FHIT: variants seen among roughly 807,000 people sequenced by gnomAD.
FHIT encodes fragile histidine triad diadenosine triphosphatase, also known as bis(5'-adenosyl)-triphosphatase.
A neutral mutation model predicts 17.9 loss-of-function variants in FHIT; 19 were observed. That is an observed-to-expected ratio of 1.06 (90% confidence interval 0.74 to 1.56). The LOEUF is 1.56. Among genes scored for constraint, FHIT ranks in the 40% most tolerant of loss-of-function variants. The pLI is 0.00. For synonymous variants in FHIT, 81 were observed against 69.7 expected (o/e 1.16, Z -0.81); for missense variants, 248 against 189.2 (o/e 1.31, Z -1.82).
At chr3:59,807,747 T>C (rs1700258130) in intron 8 of FHIT, among the ~76,000 whole-genome samples, 1 of 151,992 alleles carries the variant, frequency 6.6e-6, no homozygotes, top group Non-Finnish European at 1.5e-5. Context: ...GGGTGAGTAG[T>C]CATGAGAAGT....
At chr3:60,710,524 A>G (rs1553704762) in intron 4 of FHIT, among the ~76,000 whole-genome samples, 1 of 152,150 alleles carries the variant, frequency 6.6e-6, no homozygotes, top group African/African-American at 2.4e-5. Flanking sequence ...CTGCTCAAGG[A>G]AAGGGGTGAC....
At chr3:59,916,442 C>A (rs1705139344) in intron 8 of FHIT, among the ~76,000 whole-genome samples, 1 of 152,164 alleles carries the variant, frequency 6.6e-6, no homozygotes, top group South Asian at 2.1e-4. Flanking sequence ...ACCTTGTGAT[C>A]ATGTAAGTCA....
chr3:60,900,648 C>T (rs1435795322), intron 3 of FHIT, among the ~76,000 whole-genome samples: 1 of 151,884 alleles, frequency 6.6e-6, no homozygotes, highest in Non-Finnish European at 1.5e-5. Context: ...ACCTTAAAGT[C>T]ATTGAAGAAA....
At chr3:59,931,240 C>T (rs968763332) in intron 7 of FHIT, among the ~76,000 whole-genome samples, 22 of 152,152 alleles carry the variant, frequency 1.4e-4, no homozygotes, top group Non-Finnish European at 1.2e-4. Context: ...TACGGTGAGC[C>T]TTGCTGAATG....
At chr3:60,499,446 C>T (rs2034432892) in intron 5 of FHIT, among the ~76,000 whole-genome samples, 1 of 152,124 alleles carries the variant, frequency 6.6e-6, no homozygotes, top group Admixed American at 6.5e-5. Flanking sequence ...GGCTGGAGGG[C>T]AGTGGCGAGA....
At chr3:60,001,579 C>G (rs915827427) in intron 7 of FHIT, among the ~76,000 whole-genome samples, 2 of 152,142 alleles carry the variant, frequency 1.3e-5, no homozygotes, top group African/African-American at 4.8e-5. Context: ...AGCTACCTCA[C>G]AGTGCTTTGA....
intron 5 of FHIT, among the ~76,000 whole-genome samples, chr3:60,109,495 G>A (rs992696010): frequency 1.3e-5 from 2 of 152,046 alleles, no homozygotes; most frequent in Non-Finnish European, 2.9e-5. Flanking sequence ...TATTTCTTGG[G>A]CCAAATAATG....
rs193200075 is a variant in FHIT at position 59,797,343 on chromosome 3, T to C, written c.349-45022A>G. Among the ~76,000 whole-genome samples the C allele has an allele frequency of 7.6e-4, 116 of 152,230 alleles. 1 individual carries two copies. Among genetic ancestry groups the C allele is most frequent in the Non-Finnish European group, 1.2e-3 (83 of 68,000 alleles). On this transcript the variant is annotated intron_variant, in intron 8 of 9. Coordinates refer to ENST00000492590, the MANE Select transcript of FHIT (RefSeq NM_002012.4). Reference sequence around the variant, plus strand: ...CTCAGATTACGAGTGCCCACCACCATGCCTGGCTAATTTTTGTATTTTTAG... The same window carrying C: ...CTCAGATTACGAGTGCCCACCACCACGCCTGGCTAATTTTTGTATTTTTAG...
At chr3:60,980,262 C>G (rs1416350043) in intron 3 of FHIT, among the ~76,000 whole-genome samples, 2 of 152,156 alleles carry the variant, frequency 1.3e-5, no homozygotes, top group Admixed American at 1.3e-4. Flanking sequence ...ATAAACACAA[C>G]ATCTTTTCTG....
intron 5 of FHIT, among the ~76,000 whole-genome samples, chr3:60,486,078 C>T (rs1195992074): frequency 2.6e-5 from 4 of 152,092 alleles, no homozygotes; most frequent in Non-Finnish European, 5.9e-5. Context: ...GAAAAGCCTC[C>T]TCACAATGCC....
chr3:61,250,694 T>A (rs189187973), intron 1 of FHIT, among the ~76,000 whole-genome samples: 12 of 151,560 alleles, frequency 7.9e-5, no homozygotes, highest in African/African-American at 2.9e-4. Context: ...TTCCCCCCTT[T>A]GACGCTAAAA....
intron 7 of FHIT, among the ~76,000 whole-genome samples, chr3:59,990,210 A>G (rs1709164881): frequency 1.3e-5 from 2 of 152,072 alleles, no homozygotes. Flanking sequence ...TGTAATCAGA[A>G]AAGAAACTAT....
chr3:60,926,938 T>C (rs1256530883), intron 3 of FHIT, among the ~76,000 whole-genome samples: 2 of 152,044 alleles, frequency 1.3e-5, no homozygotes, highest in African/African-American at 4.8e-5. Flanking sequence ...TCTATGCAAA[T>C]AAACTACAAA....
At chr3:60,442,960 G>T (rs920883759) in intron 5 of FHIT, among the ~76,000 whole-genome samples, 6 of 151,966 alleles carry the variant, frequency 3.9e-5, no homozygotes, top group South Asian at 2.1e-4. Flanking sequence ...GAGCAGTGGT[G>T]TGTAGTTCTC....
intron 5 of FHIT, among the ~76,000 whole-genome samples, chr3:60,163,609 G>A (rs1349229197): frequency 6.6e-6 from 1 of 152,088 alleles, no homozygotes; most frequent in Non-Finnish European, 1.5e-5. Flanking sequence ...CTCCCTGGAG[G>A]AAGCCTCTCC....
intron 5 of FHIT, among the ~76,000 whole-genome samples, chr3:60,221,334 A>G (rs1385927247): frequency 2.0e-5 from 3 of 152,122 alleles, no homozygotes; most frequent in Non-Finnish European, 4.4e-5. Context: ...CACCAGGAGA[A>G]CAGCAGTTCA....
intron 7 of FHIT, among the ~76,000 whole-genome samples, chr3:59,992,311 C>CGTA (rs1360712641): frequency 6.6e-6 from 1 of 151,978 alleles, no homozygotes; most frequent in Non-Finnish European, 1.5e-5. Context: ...GTTTTCCTGG[C>CGTA]GTAGTACATT....
chr3:60,441,445 AAAC>A (rs1336669278), intron 5 of FHIT, among the ~76,000 whole-genome samples: 1 of 151,176 alleles, frequency 6.6e-6, no homozygotes, highest in African/African-American at 2.4e-5. Flanking sequence ...GGGCTGAAGA[AAAC>A]AACAAAATCT....
At chr3:60,614,898 C>T (rs905572377) in intron 4 of FHIT, among the ~76,000 whole-genome samples, 2 of 136,454 alleles carry the variant, frequency 1.5e-5, no homozygotes, top group African/African-American at 2.7e-5. Flanking sequence ...GGCATGATCT[C>T]GGCTCACTAC....
Sources: allele counts gnomAD v4.1 joint callset (sites outside exome capture counted in the v4.1 genomes callset), GRCh38; gene constraint gnomAD v4.1.1; transcripts MANE v1.5; gene names NCBI Gene and HGNC (gene_info 2026-07-23, HGNC 2026-07-21).